The following SGCZ variants were observed in gnomAD, a reference collection of about 807,000 sequenced individuals.
SGCZ encodes zeta-sarcoglycan.
In SGCZ, 40 loss-of-function variants were observed where a neutral mutation model predicts 41.3. The ratio of observed to expected loss-of-function variants is 0.97; its 90% CI spans 0.75 to 1.26. The LOEUF is 1.26. Among genes scored for constraint, SGCZ ranks in the 50% most tolerant of loss-of-function variants. The pLI is 0.00. For missense variants in SGCZ, 552 were observed against 369.8 expected, an observed-to-expected ratio of 1.49 and a Z score of -4.04; for synonymous variants, 206 against 137.5, an observed-to-expected ratio of 1.50 and a Z score of -3.49.
chr8:14,915,835 T>G (rs2130783625), intron 1 of SGCZ, among the ~76,000 whole-genome samples: 1 of 152,250 alleles, frequency 6.6e-6, no homozygotes, highest in South Asian at 2.1e-4. Context: ...TTCCTCTCCT[T>G]AACCCACCCA....
intron 2 of SGCZ, among the ~76,000 whole-genome samples, chr8:14,371,016 G>A (rs1803889764): frequency 6.6e-6 from 1 of 151,772 alleles, no homozygotes; most frequent in Admixed American, 6.6e-5. Flanking sequence ...GAATAAGTTA[G>A]CATTGAAAAA....
At chr8:14,553,803 G>A (rs1803946774) in intron 2 of SGCZ, among the ~76,000 whole-genome samples, 1 of 152,048 alleles carries the variant, frequency 6.6e-6, no homozygotes, top group African/African-American at 2.4e-5. Context: ...AAACAGCCCA[G>A]TATAGGAATA....
At chr8:14,696,602 T>G (rs1007165065) in intron 1 of SGCZ, among the ~76,000 whole-genome samples, 2 of 152,160 alleles carry the variant, frequency 1.3e-5, no homozygotes, top group African/African-American at 2.4e-5. Flanking sequence ...GCCTTTTATT[T>G]TCAACATTTA....
chr8:15,189,616 A>G (rs1006372830), intron 1 of SGCZ, among the ~76,000 whole-genome samples: 1 of 151,874 alleles, frequency 6.6e-6, no homozygotes. Context: ...GCTAGAGCGC[A>G]ATGGCACAAT....
At chr8:14,978,873 A>G (rs529130964) in intron 1 of SGCZ, among the ~76,000 whole-genome samples, 15 of 152,274 alleles carry the variant, frequency 9.9e-5, no homozygotes, top group African/African-American at 3.6e-4. Flanking sequence ...ATCTCAGCTC[A>G]CTGCAACCTC....
intron 3 of SGCZ, among the ~76,000 whole-genome samples, chr8:14,254,203 A>C (rs1430074797): frequency 6.6e-6 from 1 of 152,182 alleles, no homozygotes; most frequent in Non-Finnish European, 1.5e-5. Context: ...TTTTGAGTTT[A>C]CCGGCAGTTA....
At chr8:14,801,312 T>C (rs1012771149) in intron 1 of SGCZ, among the ~76,000 whole-genome samples, 13 of 152,202 alleles carry the variant, frequency 8.5e-5, no homozygotes, top group Non-Finnish European at 1.3e-4. Context: ...TATTTGAATA[T>C]GTAATCTCAT....
At chr8:14,607,927 A>G (rs1270343519) in intron 1 of SGCZ, among the ~76,000 whole-genome samples, 1 of 152,226 alleles carries the variant, frequency 6.6e-6, no homozygotes, top group East Asian at 1.9e-4. Context: ...TGTTCAGGCC[A>G]CTTGGAGTAA....
At chr8:14,518,799 G>T (rs1802701413) in intron 2 of SGCZ, among the ~76,000 whole-genome samples, 1 of 150,768 alleles carries the variant, frequency 6.6e-6, no homozygotes, top group South Asian at 2.1e-4. Context: ...AGATAATATA[G>T]AGAGATATAC....
intron 1 of SGCZ, among the ~76,000 whole-genome samples, chr8:14,929,032 C>T (rs1046692271): frequency 6.6e-6 from 1 of 152,034 alleles, no homozygotes; most frequent in African/African-American, 2.4e-5. Context: ...CACTCTGTTG[C>T]CCAGACTGGA....
intron 1 of SGCZ, among the ~76,000 whole-genome samples, chr8:15,095,215 C>T (rs2131069948): frequency 6.6e-6 from 1 of 152,306 alleles, no homozygotes. Context: ...TCTCCTGCCT[C>T]AGCCTCCCAA....
intron 2 of SGCZ, among the ~76,000 whole-genome samples, chr8:14,490,025 G>A (rs757826767): frequency 5.9e-5 from 9 of 151,832 alleles, no homozygotes; most frequent in Non-Finnish European, 1.0e-4. Flanking sequence ...ATGCCACCAC[G>A]CCCAGCTAAT....
At chr8:14,408,948 A>AGTGTGTGTGTGTGTGTGTGTGTGT in intron 2 of SGCZ, among the ~76,000 whole-genome samples, 1 of 112,128 alleles carries the variant, frequency 8.9e-6, no homozygotes, top group African/African-American at 3.1e-5. Context: ...TTTTAAATTA[A>AGTGTGTGTGTGTGTGTGTGTGTGT]GAGAGTGTGT....
chr8:14,839,174 G>C (rs189619478), intron 1 of SGCZ, among the ~76,000 whole-genome samples: 16 of 152,216 alleles, frequency 1.1e-4, no homozygotes, highest in African/African-American at 3.9e-4. Flanking sequence ...TATTGATAGT[G>C]AAATAGCGGG....
chr8:14,676,369 T>TGC (rs34923489), intron 1 of SGCZ, among the ~76,000 whole-genome samples: 1 of 151,842 alleles, frequency 6.6e-6, no homozygotes, highest in Non-Finnish European at 1.5e-5. Context: ...TGTGTGTGTG[T>TGC]ATCTCCAGCC....
At chr8:14,288,345 C>T (rs1042180017) in intron 3 of SGCZ, among the ~76,000 whole-genome samples, 5 of 152,100 alleles carry the variant, frequency 3.3e-5, no homozygotes, top group African/African-American at 7.2e-5. Flanking sequence ...AGTACATCAA[C>T]GATGTTCTGC....
intron 1 of SGCZ, among the ~76,000 whole-genome samples, chr8:14,780,523 A>T (rs1381205250): frequency 6.6e-6 from 1 of 152,154 alleles, no homozygotes; most frequent in Non-Finnish European, 1.5e-5. Context: ...TAGGTCATGT[A>T]ACAAAGAGGG....
chr8:14,365,447 G>T (rs1334533699), intron 2 of SGCZ, among the ~76,000 whole-genome samples: 3 of 152,008 alleles, frequency 2.0e-5, no homozygotes, highest in Non-Finnish European at 2.9e-5. Context: ...CATATTGGTT[G>T]ATTTAATCTG....
intron 1 of SGCZ, among the ~76,000 whole-genome samples, chr8:14,882,526 A>T (rs1804631230): frequency 6.6e-6 from 1 of 152,130 alleles, no homozygotes. Flanking sequence ...TATTACTGCT[A>T]TGTAATAAAG....
Sources: gnomAD v4.1 joint callset for allele counts (sites outside exome capture counted in the v4.1 genomes callset) on GRCh38, gnomAD v4.1.1 for gene constraint, MANE v1.5 for transcripts, NCBI Gene and HGNC (gene_info 2026-07-23, HGNC 2026-07-21) for gene names.